Variants in DDX50 observed in about 807,000 individuals in gnomAD.
The protein encoded by DDX50 is DExD-box helicase 50, also known as ATP-dependent RNA helicase DDX50.
In DDX50, 56 loss-of-function variants were observed where a neutral mutation model predicts 94.8. That is an observed-to-expected ratio of 0.59 (90% CI 0.48 to 0.74). The LOEUF (loss-of-function observed/expected upper bound fraction) is 0.74, where lower values mean the gene tolerates loss of function less well. DDX50 is among the 30% of genes least tolerant of loss of function. DDX50 has a pLI of 0.00. For missense variants in DDX50, 713 were observed against 881.2 expected, an observed-to-expected ratio of 0.81 and a Z score of 2.42; for synonymous variants, 264 against 295.4, an observed-to-expected ratio of 0.89 and a Z score of 1.09.
At chr10:68,908,478 T>G (rs1251267918) in intron 2 of DDX50, among the ~76,000 whole-genome samples, 1 of 149,448 alleles carries the variant, frequency 6.7e-6, no homozygotes, top group Admixed American at 6.7e-5. Flanking sequence ...AAAAAAAGAT[T>G]ATAAAATGGT....
Position 68,946,486 on chromosome 10 carries a change from A to T in DDX50, c.2070A>T (p.Ser690=), listed in dbSNP as rs1842675166. The T allele has an allele frequency of 6.2e-7, 1 of 1,614,196 alleles. No individual in the cohort carries two copies. The highest frequency in any genetic ancestry group is 1.3e-5 in the African/African-American group (1 of 75,066). The change falls in exon 15 of 15, where the codon TCA becomes TCT. Residue 690 remains serine (S), a synonymous_variant. Transcript: ENST00000373585. ...SGWSSGRSGR[S]GRSGGRSGGR... is the part of the protein sequence containing the mutation. ...GGTCAAGTGGTCGATCAGGCCGGTCAGGCCGGTCAGGTGGTCGATCTGGCG... is the reference window on the plus strand; with the variant it reads ...GGTCAAGTGGTCGATCAGGCCGGTCTGGCCGGTCAGGTGGTCGATCTGGCG...
chr10:68,927,127 G>C (rs1474941863), intron 8 of DDX50, among the ~76,000 whole-genome samples: 1 of 151,928 alleles, frequency 6.6e-6, no homozygotes, highest in Non-Finnish European at 1.5e-5. Flanking sequence ...ACCCAGGCTG[G>C]TCTCGAACTC....
chr10:68,936,503 A>ATT (rs1842412933), intron 11 of DDX50, among the ~76,000 whole-genome samples: 1 of 47,022 alleles, frequency 2.1e-5, no homozygotes, highest in Admixed American at 3.4e-4. Flanking sequence ...AAAAAAAAAA[A>ATT]AAAAAAAAAA....
rs892877536 is a variant in DDX50, at chr10:68,920,037, C to T, written c.1239+56C>T. 4.1e-5 allele frequency: 65 copies of T among 1,598,318 alleles called. No individual in the cohort carries two copies. The East Asian group carries it at 4.7e-4, about 12-fold the overall frequency. On this transcript the variant is annotated intron_variant, in intron 8 of 14. Transcript: ENST00000373585. The stretch of plus-strand genomic sequence containing the variant: ...GAAATTATGGGGATGAATCACTGAA[C>T]GAAAATTATATTGTCCTTTGTGGAC...
chr10:68,931,426 T>TATACACACACACACACACACAC (rs375773633), intron 8 of DDX50, among the ~76,000 whole-genome samples: 1 of 84,826 alleles, frequency 1.2e-5, no homozygotes, highest in African/African-American at 4.4e-5. Context: ...TATATATATA[T>TATACACACACACACACACACAC]ACACAAACAC....
chr10:68,937,584 G>T (rs201850968), intron 12 of DDX50, among the ~76,000 whole-genome samples: 6 of 120,782 alleles, frequency 5.0e-5, no homozygotes, highest in South Asian at 2.7e-4. Context: ...AACTTTATAA[G>T]TTTTTTTTTT....
chr10:68,940,378 T>TAA (rs75318772), intron 12 of DDX50, among the ~76,000 whole-genome samples: 228 of 134,088 alleles, frequency 1.7e-3, no homozygotes, highest in African/African-American at 6.1e-3. Context: ...GACCCTGTCT[T>TAA]AAAAAAAAAA....
rs1200003500 is a variant in DDX50, at chr10:68,946,555, T to G, written c.2139T>G (p.Ser713Arg). ...GTCGACAAGGAAGTCGCTCAGGAAGTCGACAAGATGGTAGAAGACGAAGTG... is the reference window on the plus strand; with the variant it reads ...GTCGACAAGGAAGTCGCTCAGGAAGGCGACAAGATGGTAGAAGACGAAGTG... ...RQSRQGSRSG[S>R]RQDGRRRSGN... Residue 713 changes from serine (S) to arginine (R), a missense_variant, in exon 15 of 15, where the codon AGT becomes AGG. By Grantham distance (110) the Ser-to-Arg change is moderately radical (BLOSUM62 -1). Transcript: ENST00000373585. The G allele has an allele frequency of 3.1e-6, 5 of 1,614,144 alleles. No individual in the cohort carries two copies. The highest frequency in any genetic ancestry group is 4.2e-6 in the Non-Finnish European group (5 of 1,180,034).
intron 8 of DDX50, among the ~76,000 whole-genome samples, chr10:68,926,724 A>G (rs893035083): frequency 1.3e-5 from 2 of 151,334 alleles, no homozygotes; most frequent in African/African-American, 4.9e-5. Flanking sequence ...CCACTCTCTA[A>G]ATGAATGAAT....
At chr10:68,912,831 G>C (rs1387165782) in intron 4 of DDX50, among the ~76,000 whole-genome samples, 1 of 152,164 alleles carries the variant, frequency 6.6e-6, no homozygotes, top group East Asian at 1.9e-4. Flanking sequence ...CCTTCATGGA[G>C]CTTACATTTT....
At chr10:68,906,646 A>C in intron 1 of DDX50, 65 bp from the exon 2 acceptor site, 1 of 1,555,420 alleles carries the variant, frequency 6.4e-7, no homozygotes, top group Non-Finnish European at 8.7e-7. Flanking sequence ...TCATGCTCTA[A>C]CTTCTCTAGA....
At position 68,934,464 on chromosome 10, in the gene DDX50, T is replaced by A. The variant is rs1842354784; in HGVS notation, c.1401+104T>A. 1 of 1,479,770 alleles carries A rather than the reference T, an allele frequency of 6.8e-7. No individual in the cohort carries two copies. The allele number at this position is 1,479,770 out of a possible 1,614,324, so 91.7% of individuals were successfully genotyped here. On this transcript the variant is annotated intron_variant, in intron 9 of 14. Transcript: ENST00000373585. This position sits in a 1 kb window ranked among gnomAD's most constrained non-coding sequence, Gnocchi z 4.0. ...ATGTGAAAAATATGTCATCTCTTCT[T>A]GCTCTTAGCCATTTTTTGTTAGTGT...
chr10:68,914,893 C>A (rs1004051823), intron 7 of DDX50, among the ~76,000 whole-genome samples: 1 of 151,952 alleles, frequency 6.6e-6, no homozygotes, highest in Admixed American at 6.6e-5. Context: ...TGGTGGCGGG[C>A]CCCTGTAGTC....
intron 7 of DDX50, among the ~76,000 whole-genome samples, chr10:68,918,357 C>CT (rs1348983334): frequency 6.6e-6 from 1 of 150,912 alleles, no homozygotes; most frequent in African/African-American, 2.4e-5. Flanking sequence ...TCATTTCTAT[C>CT]TAGTTCCAAA....
chr10:68,931,443 A>ACACACACACACG (rs1388581750), intron 8 of DDX50, among the ~76,000 whole-genome samples: 5 of 141,964 alleles, frequency 3.5e-5, no homozygotes, highest in Non-Finnish European at 6.1e-5. Context: ...ACACACACAC[A>ACACACACACACG]CACAATTTTT....
intron 8 of DDX50, among the ~76,000 whole-genome samples, chr10:68,925,047 T>C (rs1253359460): frequency 2.0e-5 from 3 of 151,054 alleles, no homozygotes; most frequent in African/African-American, 7.3e-5. Context: ...TTCTTAGGAC[T>C]AGCAAATTCC....
intron 6 of DDX50, 127 bp from the exon 7 acceptor site, chr10:68,913,932 T>C: frequency 1.1e-6 from 1 of 918,736 alleles, no homozygotes; most frequent in Non-Finnish European, 1.6e-6. Context: ...CAATGAAGTC[T>C]GTGTGTTAAA....
intron 14 of DDX50, among the ~76,000 whole-genome samples, chr10:68,944,693 A>G (rs1365432569): frequency 2.6e-5 from 4 of 151,854 alleles, no homozygotes; most frequent in Non-Finnish European, 1.5e-5. Context: ...ACTACAGGCA[A>G]ATGCCACCAC....
intron 13 of DDX50, among the ~76,000 whole-genome samples, chr10:68,942,724 C>A (rs1842581596): frequency 6.6e-6 from 1 of 151,168 alleles, no homozygotes; most frequent in Non-Finnish European, 1.5e-5. Flanking sequence ...AGCGATCCTC[C>A]CACCTCAGCC....
Sources: allele counts gnomAD v4.1 joint callset (sites outside exome capture counted in the v4.1 genomes callset), GRCh38; gene constraint gnomAD v4.1.1; non-coding constraint Gnocchi (gnomAD v3.1); transcripts MANE v1.5; gene names NCBI Gene and HGNC (gene_info 2026-07-23, HGNC 2026-07-21).